Variants in GAB1 observed in about 807,000 individuals in gnomAD.
GAB1 encodes GRB2 associated binding protein 1.
GAB1 carries 19 observed loss-of-function variants against 66.5 expected under a neutral mutation model. The observed-to-expected ratio is 0.29, with a 90% CI of 0.20 to 0.42. The LOEUF (loss-of-function observed/expected upper bound fraction) is 0.42, where lower values mean the gene tolerates loss of function less well. Among genes scored for constraint, GAB1 ranks in the 10% least tolerant of loss-of-function variants. The pLI is 1.00. For missense variants in GAB1, 732 were observed against 858.5 expected (o/e 0.85, Z 1.84); for synonymous variants, 294 against 301.4 (o/e 0.98, Z 0.25).
chr4:143,355,257 C>T (rs977127059), intron 1 of GAB1, among the ~76,000 whole-genome samples: 2 of 152,154 alleles, frequency 1.3e-5, no homozygotes, highest in African/African-American at 4.8e-5. Context: ...CTTCCTGATG[C>T]CCAGACCAGA....
chr4:143,449,508 CTCT>C (rs1029860227), intron 6 of GAB1, among the ~76,000 whole-genome samples: 127 of 152,228 alleles, frequency 8.3e-4, no homozygotes, highest in African/African-American at 3.0e-3. Context: ...GGATAGTTAG[CTCT>C]TCTTGTTGAA....
At chr4:143,466,713 C>A (rs964939283) in intron 9 of GAB1, among the ~76,000 whole-genome samples, 2 of 151,904 alleles carry the variant, frequency 1.3e-5, no homozygotes, top group African/African-American at 4.8e-5. Flanking sequence ...TGGTCTTGAA[C>A]TCCTGACCTC....
At chr4:143,352,184 C>G (rs1406294889) in intron 1 of GAB1, among the ~76,000 whole-genome samples, 1 of 152,180 alleles carries the variant, frequency 6.6e-6, no homozygotes, top group Non-Finnish European at 1.5e-5. Context: ...TTTATTCATG[C>G]ATTTTATTAC....
intron 2 of GAB1, among the ~76,000 whole-genome samples, chr4:143,422,780 A>G (rs1578690532): frequency 6.6e-6 from 1 of 152,252 alleles, no homozygotes; most frequent in Admixed American, 6.5e-5. Context: ...CCCTAGCAGT[A>G]CTTAATAGCT....
At chr4:143,450,060 T>G (rs1734828471) in intron 6 of GAB1, among the ~76,000 whole-genome samples, 1 of 152,202 alleles carries the variant, frequency 6.6e-6, no homozygotes, top group African/African-American at 2.4e-5. Context: ...AGTTTAAATC[T>G]TAAGTCAAGC....
chr4:143,467,059 C>G (rs1735830161), intron 9 of GAB1, among the ~76,000 whole-genome samples: 1 of 152,082 alleles, frequency 6.6e-6, no homozygotes, highest in Non-Finnish European at 1.5e-5. Flanking sequence ...TTAGAAGTGC[C>G]TTTAGTGGAG....
intron 1 of GAB1, chr4:143,349,127 T>C (rs1729088903): frequency 1.5e-5 from 6 of 400,226 alleles, no homozygotes; most frequent in Admixed American, 4.2e-5. Context: ...GTTGTGACTT[T>C]TGTGAGCCCC....
chr4:143,347,631 C>T (rs1729032513), intron 1 of GAB1, among the ~76,000 whole-genome samples: 1 of 152,236 alleles, frequency 6.6e-6, no homozygotes, highest in Admixed American at 6.5e-5. Context: ...CAAGTGAACA[C>T]TGTTTTCACC....
chr4:143,404,358 G>T (rs1731933809), intron 1 of GAB1, among the ~76,000 whole-genome samples: 1 of 152,164 alleles, frequency 6.6e-6, no homozygotes, highest in African/African-American at 2.4e-5. Context: ...TTTTAGGGTA[G>T]AGTAAGTTTG....
At chr4:143,465,404 A>G (rs944106910) in intron 8 of GAB1, among the ~76,000 whole-genome samples, 2 of 151,970 alleles carry the variant, frequency 1.3e-5, no homozygotes, top group Non-Finnish European at 2.9e-5. Flanking sequence ...AGTTGTCTTC[A>G]CTCTGCTCTC....
intron 1 of GAB1, among the ~76,000 whole-genome samples, chr4:143,341,949 T>A (rs1392928652): frequency 6.6e-6 from 1 of 152,244 alleles, no homozygotes; most frequent in African/African-American, 2.4e-5. Context: ...TGGATTCTGA[T>A]GTTTCTGCTT....
At chr4:143,372,177 G>T (rs888326693) in intron 1 of GAB1, among the ~76,000 whole-genome samples, 1 of 151,840 alleles carries the variant, frequency 6.6e-6, no homozygotes, top group Non-Finnish European at 1.5e-5. Flanking sequence ...AAAAAAAGAT[G>T]TATCTTGTTC....
At chr4:143,419,369 G>C (rs1457938733) in intron 2 of GAB1, among the ~76,000 whole-genome samples, 1 of 151,974 alleles carries the variant, frequency 6.6e-6, no homozygotes, top group Non-Finnish European at 1.5e-5. Flanking sequence ...TGCTAAAGAA[G>C]AACTAGATAA....
At chr4:143,392,963 G>C (rs1195445302) in intron 1 of GAB1, among the ~76,000 whole-genome samples, 1 of 151,810 alleles carries the variant, frequency 6.6e-6, no homozygotes, top group South Asian at 2.1e-4. Context: ...CATGTCTATG[G>C]GCTATATTTC....
Position 143,473,678 on chromosome 4 carries a change from G to T in GAB1, c.*4489G>T, listed in dbSNP as rs1736172646. The stretch of plus-strand genomic sequence containing the variant: ...TATCTTCAGAAACTAGGTTTTATAT[G>T]TAAAATGTGACTTGGGAAATGATTC... On this transcript the variant is annotated 3_prime_UTR_variant, in exon 10 of 10. Transcript: ENST00000262994. 6.6e-6 allele frequency: 1 copy of T among 152,162 alleles called. No homozygotes were observed. The highest frequency in any genetic ancestry group is 1.5e-5 in the Non-Finnish European group (1 of 68,030). 9.4% of individuals were successfully genotyped at this position (152,162 alleles called of 1,614,324 possible).
intron 3 of GAB1, among the ~76,000 whole-genome samples, chr4:143,435,002 G>A (rs1733873081): frequency 6.6e-6 from 1 of 152,122 alleles, no homozygotes. Flanking sequence ...TAATCAGCTA[G>A]GGTCTGGATA....
rs1736183953 is a variant in GAB1 at position 143,474,161 on chromosome 4, A to C, written c.*4972A>C. ...AGATTTCCTGATTTAAAATTATACA[A>C]AATTACTATTTTTGATAAAATAAAG... is the stretch of plus-strand genomic sequence containing the variant. On this transcript the variant is annotated 3_prime_UTR_variant, in exon 10 of 10. Coordinates refer to ENST00000262994, the MANE Select transcript of GAB1 (RefSeq NM_002039.4). The C allele has an allele frequency of 2.6e-5, 4 of 152,174 alleles. No homozygotes were observed. In the South Asian group the frequency reaches 8.3e-4, roughly 32 times the overall value. The allele number at this position is 152,174 out of a possible 1,614,324, so 9.4% of individuals were successfully genotyped here. A position where few individuals can be genotyped will look rare whatever the true frequency, so the allele number is the denominator to read the frequency against.
chr4:143,341,545 G>A (rs1040236064), intron 1 of GAB1, among the ~76,000 whole-genome samples: 1 of 152,218 alleles, frequency 6.6e-6, no homozygotes, highest in Non-Finnish European at 1.5e-5. Flanking sequence ...TGCTTCTGAG[G>A]CCAGAGCAAG....
At chr4:143,443,974 C>T (rs1192603390) in intron 6 of GAB1, among the ~76,000 whole-genome samples, 1 of 152,132 alleles carries the variant, frequency 6.6e-6, no homozygotes, top group Non-Finnish European at 1.5e-5. Context: ...CTATTTCTGT[C>T]ACTGTAGTGT....
Sources: gnomAD v4.1 joint callset for allele counts (sites outside exome capture counted in the v4.1 genomes callset) on GRCh38, gnomAD v4.1.1 for gene constraint, MANE v1.5 for transcripts, NCBI Gene and HGNC (gene_info 2026-07-23, HGNC 2026-07-21) for gene names.